GALNT13: variants seen among roughly 807,000 people sequenced by gnomAD.
GALNT13 encodes the protein polypeptide N-acetylgalactosaminyltransferase 13, also known as UDP-GalNAc:polypeptide N-acetylgalactosaminyltransferase 13.
GALNT13 carries 28 observed loss-of-function variants against 64.2 expected under a neutral mutation model. The observed-to-expected ratio is 0.44, with a 90% confidence interval of 0.32 to 0.60. The LOEUF is 0.60. Among genes scored for constraint, GALNT13 ranks in the 20% least tolerant of loss-of-function variants. The pLI is 0.05. For missense variants in GALNT13, 577 were observed against 669.8 expected, an observed-to-expected ratio of 0.86 and a Z score of 1.53; for synonymous variants, 214 against 224.6, an observed-to-expected ratio of 0.95 and a Z score of 0.42.
At chr2:153,239,904 C>T in the GALNT13 span, among the ~76,000 whole-genome samples, 1 of 152,022 alleles carries the variant, frequency 6.6e-6, no homozygotes, top group South Asian at 2.1e-4. Flanking sequence ...TATTAGTTCT[C>T]TTTTAAATGT....
chr2:154,199,121 G>GT (rs201517229), intron 4 of GALNT13, among the ~76,000 whole-genome samples: 6,341 of 150,452 alleles, frequency 0.042, 182 homozygotes, highest in Non-Finnish European at 0.059. Flanking sequence ...AATTTCTTCT[G>GT]TTTTTTTTTA....
chr2:154,301,463 G>C lies in GALNT13; in HGVS notation c.1030G>C (p.Val344Leu). ...TGTTACTTGCTCCCATGTTGGTCAT[G>C]TTTTTCGGAAGGCAACTCCATACAC... is the stretch of plus-strand genomic sequence containing the variant. ...EIVTCSHVGH[V>L]FRKATPYTFP... Residue 344 changes from valine to leucine, a missense_variant, in exon 9 of 13, where the codon GTT (valine) becomes CTT (leucine). Physicochemically the swap from Val to Leu is conservative, Grantham distance 32. This residue lies in a region of GALNT13 where 232 missense variants were observed against 270.6 expected (regional missense o/e 0.86). Coordinates refer to ENST00000392825, the MANE Select transcript of GALNT13 (RefSeq NM_052917.4). 1 of 1,613,794 alleles carries C rather than the reference G, an allele frequency of 6.2e-7. No homozygotes were observed. The highest frequency in any genetic ancestry group is 8.5e-7 in the Non-Finnish European group (1 of 1,179,768).
chr2:153,271,597 C>T, the GALNT13 span, among the ~76,000 whole-genome samples: 1 of 152,196 alleles, frequency 6.6e-6, no homozygotes, highest in East Asian at 1.9e-4. Flanking sequence ...CTACAAACCA[C>T]TGCTCAAGGA....
chr2:154,069,740 G>C (rs1054472355), intron 3 of GALNT13, among the ~76,000 whole-genome samples: 1 of 152,018 alleles, frequency 6.6e-6, no homozygotes, highest in Admixed American at 6.6e-5. Flanking sequence ...ATAAACTAGA[G>C]TATAGAATAG....
chr2:153,598,493 C>G, the GALNT13 span, among the ~76,000 whole-genome samples: 1 of 152,074 alleles, frequency 6.6e-6, no homozygotes, highest in Admixed American at 6.6e-5. Flanking sequence ...TCTCATTGCA[C>G]TTTTCACTAC....
intron 3 of GALNT13, among the ~76,000 whole-genome samples, chr2:154,041,254 A>C (rs1698959861): frequency 7.1e-6 from 1 of 140,536 alleles, no homozygotes; most frequent in African/African-American, 2.4e-5. Context: ...TCTTAAATGA[A>C]GACCTCAATT....
chr2:153,499,672 T>C, the GALNT13 span, among the ~76,000 whole-genome samples: 10,861 of 152,256 alleles, frequency 0.071, 532 homozygotes, highest in Non-Finnish European at 0.1. Flanking sequence ...CAGAGGGGGC[T>C]GAGGGGGCAG....
rs79806175 is a variant in GALNT13, at chr2:154,405,902, G to C, written c.1297-3082G>C. Among the ~76,000 whole-genome samples, 10 of 152,176 alleles carry C rather than the reference G, an allele frequency of 6.6e-5. No individual in the cohort carries two copies. In the East Asian group the frequency reaches 1.9e-3, roughly 29 times the overall value. ...TTGGCTTCGAGGGAAATAGATACTT[G>C]TAAGAATTAAGAGGGGGAAAATCCC... is the stretch of plus-strand genomic sequence containing the variant. On this transcript the variant is annotated intron_variant, in intron 10 of 12. Transcript: ENST00000392825.
chr2:153,635,225 T>G, the GALNT13 span, among the ~76,000 whole-genome samples: 1 of 152,022 alleles, frequency 6.6e-6, no homozygotes, highest in Admixed American at 6.6e-5. Context: ...GAAACATTTT[T>G]TTCTGAGAAA....
the GALNT13 span, among the ~76,000 whole-genome samples, chr2:153,798,849 A>G: frequency 6.6e-6 from 1 of 152,318 alleles, no homozygotes; most frequent in Non-Finnish European, 1.5e-5. Flanking sequence ...AGAAGTAGTT[A>G]AACTGTTATC....
the GALNT13 span, among the ~76,000 whole-genome samples, chr2:153,306,970 A>G: frequency 6.6e-6 from 1 of 152,310 alleles, no homozygotes; most frequent in African/African-American, 2.4e-5. Flanking sequence ...GCCTGGCCTA[A>G]AGCAATCCAC....
intron 11 of GALNT13, among the ~76,000 whole-genome samples, chr2:154,417,513 A>ATTTTTTTTT (rs1387223429): frequency 0.011 from 1,491 of 129,850 alleles, 25 homozygotes; most frequent in East Asian, 0.054. Flanking sequence ...TTATTTATTT[A>ATTTTTTTTT]TTTATTTATT....
chr2:153,663,672 A>G, the GALNT13 span, among the ~76,000 whole-genome samples: 2 of 152,160 alleles, frequency 1.3e-5, no homozygotes, highest in Non-Finnish European at 2.9e-5. Flanking sequence ...TGTGCTTATG[A>G]TAAAGTCCAT....
chr2:154,354,769 C>T (rs556020130), intron 9 of GALNT13, among the ~76,000 whole-genome samples: 8 of 151,988 alleles, frequency 5.3e-5, no homozygotes, highest in Non-Finnish European at 8.8e-5. Context: ...TCTATTCCAC[C>T]GGTCGATGTT....
chr2:154,240,680 T>C (rs967519663), intron 4 of GALNT13, among the ~76,000 whole-genome samples: 2 of 152,206 alleles, frequency 1.3e-5, no homozygotes, highest in African/African-American at 4.8e-5. Context: ...CCGTGTGCTC[T>C]TTTAATTTTG....
chr2:154,374,250 A>G (rs998943532), intron 9 of GALNT13, among the ~76,000 whole-genome samples: 2 of 152,230 alleles, frequency 1.3e-5, no homozygotes, highest in Non-Finnish European at 2.9e-5. Flanking sequence ...TCATTCAAAT[A>G]TTTTATCTAG....
At chr2:153,572,459 T>C in the GALNT13 span, among the ~76,000 whole-genome samples, 3 of 151,816 alleles carry the variant, frequency 2.0e-5, no homozygotes, top group Non-Finnish European at 4.4e-5. Flanking sequence ...CCCTGGTCTT[T>C]ATTATTTATT....
chr2:153,100,313 T>C, the GALNT13 span, among the ~76,000 whole-genome samples: 1 of 152,212 alleles, frequency 6.6e-6, no homozygotes, highest in Admixed American at 6.5e-5. Flanking sequence ...GCTATAGCTC[T>C]TTTACACAGA....
chr2:153,900,820 T>G (rs1169790924), intron 1 of GALNT13, 116 bp from the exon 2 acceptor site: 1 of 152,188 alleles, frequency 6.6e-6, no homozygotes, highest in Non-Finnish European at 1.5e-5. Context: ...CTACATTTTG[T>G]AAAACCTATT....
Sources: allele counts gnomAD v4.1 joint callset (sites outside exome capture counted in the v4.1 genomes callset), GRCh38; gene constraint gnomAD v4.1.1; regional missense constraint gnomAD v4.1.1; transcripts MANE v1.5; gene names NCBI Gene and HGNC (gene_info 2026-07-23, HGNC 2026-07-21).